PSTPIP2: variants seen among roughly 807,000 people sequenced by gnomAD.
PSTPIP2 encodes proline-serine-threonine phosphatase-interacting protein 2.
A neutral mutation model predicts 63.3 loss-of-function variants in PSTPIP2; 33 were observed. The ratio of observed to expected loss-of-function variants is 0.52; its 90% CI spans 0.40 to 0.70. PSTPIP2 has a LOEUF of 0.70. Among genes scored for constraint, PSTPIP2 ranks in the 30% least tolerant of loss-of-function variants. PSTPIP2 has a pLI of 0.00. For missense variants in PSTPIP2, 312 were observed against 400.7 expected, an observed-to-expected ratio of 0.78 and a Z score of 1.89; for synonymous variants, 125 against 132.7, an observed-to-expected ratio of 0.94 and a Z score of 0.40.
At chr18:45,999,577 G>C in intron 6 of PSTPIP2, 43 bp from the exon 7 acceptor site, 1 of 1,604,902 alleles carries the variant, frequency 6.2e-7, no homozygotes, top group African/African-American at 1.3e-5. Flanking sequence ...AATGAACAGA[G>C]TGTAACCATG....
intron 3 of PSTPIP2, among the ~76,000 whole-genome samples, chr18:46,021,419 A>G (rs1054271372): frequency 8.0e-5 from 6 of 75,342 alleles, no homozygotes; most frequent in Admixed American, 1.5e-4. Context: ...TTATATATAT[A>G]TGTGTATGTG....
intron 5 of PSTPIP2, among the ~76,000 whole-genome samples, chr18:46,005,925 C>T (rs188871932): frequency 1.3e-5 from 2 of 152,258 alleles, no homozygotes; most frequent in East Asian, 3.9e-4. Context: ...CAGTTAAATT[C>T]GGTACTTGTA....
chr18:46,047,051 C>G (rs990738863), intron 1 of PSTPIP2, among the ~76,000 whole-genome samples: 4 of 152,254 alleles, frequency 2.6e-5, no homozygotes, highest in African/African-American at 9.6e-5. Context: ...CTTGTCACTG[C>G]TTCCAACCAC....
Position 45,992,181 on chromosome 18 carries a change from T to C in PSTPIP2, c.763A>G (p.Ser255Gly). The change falls in exon 11 of 15, where the codon AGT (serine) becomes GGT (glycine). Residue 255 changes from serine (S) to glycine (G), a missense_variant. Physicochemically the swap from Ser to Gly is moderately conservative, Grantham distance 56 (BLOSUM62 0). Transcript: ENST00000409746. ...CTCTGAATGCTGCACATTTCTAAACTCTTTCGGACTTGTTCGTACATCTAA... is the reference window on the plus strand; with the variant it reads ...CTCTGAATGCTGCACATTTCTAAACCCTTTCGGACTTGTTCGTACATCTAA... ...SDEMYEQVRK[S>G]LEMCSIQRDI... The C allele has an allele frequency of 6.3e-7, 1 of 1,599,644 alleles. No homozygotes were observed. The highest frequency in any genetic ancestry group is 8.5e-7 in the Non-Finnish European group (1 of 1,172,876).
chr18:46,008,709 C>A (rs2144079475), intron 5 of PSTPIP2, among the ~76,000 whole-genome samples: 1 of 152,276 alleles, frequency 6.6e-6, no homozygotes, highest in South Asian at 2.1e-4. Flanking sequence ...TCTCCCATGA[C>A]CATCCCAATC....
intron 5 of PSTPIP2, among the ~76,000 whole-genome samples, chr18:46,006,729 A>G (rs978269372): frequency 6.6e-6 from 1 of 152,072 alleles, no homozygotes; most frequent in African/African-American, 2.4e-5. Flanking sequence ...CTTGGGAGTA[A>G]ATTCTTTATT....
chr18:46,048,533 C>A (rs980408092), intron 1 of PSTPIP2, among the ~76,000 whole-genome samples: 1 of 152,174 alleles, frequency 6.6e-6, no homozygotes. Context: ...CATCACGTGC[C>A]TTCTGTTACT....
chr18:46,002,960 A>T (rs2051683379), intron 6 of PSTPIP2, among the ~76,000 whole-genome samples: 1 of 152,042 alleles, frequency 6.6e-6, no homozygotes, highest in Non-Finnish European at 1.5e-5. Flanking sequence ...TATTTGATTG[A>T]TTTGGGGGAA....
In PSTPIP2 at chr18:46,022,281, A is replaced by ATGTGTG. The variant is rs150331548; in HGVS notation, c.212+2322_212+2327dup. Among the ~76,000 whole-genome samples, 371 of 150,464 alleles carry ATGTGTG rather than the reference A, an allele frequency of 2.5e-3. 1 individual carries two copies. The highest frequency in any genetic ancestry group is 7.0e-3 in the East Asian group (36 of 5,116). ...TGTAGTCTAGGATGAGTGTGTGTGT[A>ATGTGTG]TGTGTGTGTGTGTGTGTTGCATGTG... On this transcript the variant is annotated intron_variant, in intron 3 of 14. Transcript: ENST00000409746.
At chr18:46,014,875 C>A (rs1280663715) in intron 4 of PSTPIP2, among the ~76,000 whole-genome samples, 3 of 152,112 alleles carry the variant, frequency 2.0e-5, no homozygotes, top group Non-Finnish European at 4.4e-5. Flanking sequence ...GAGTTCTGGA[C>A]TGAAAATATG....
At chr18:46,031,253 C>CT (rs76734387) in intron 2 of PSTPIP2, among the ~76,000 whole-genome samples, 13,861 of 151,990 alleles carry the variant, frequency 0.091, 990 homozygotes, top group East Asian at 0.39. Flanking sequence ...TCCTTCTCTC[C>CT]TTTTTTGGTG....
At chr18:46,022,871 C>T (rs576575826) in intron 3 of PSTPIP2, among the ~76,000 whole-genome samples, 29 of 152,140 alleles carry the variant, frequency 1.9e-4, no homozygotes, top group Non-Finnish European at 3.7e-4. Context: ...GACCTAAATG[C>T]CCATCAATGA....
chr18:46,016,389 T>C (rs2051852701), intron 3 of PSTPIP2, among the ~76,000 whole-genome samples: 1 of 152,178 alleles, frequency 6.6e-6, no homozygotes, highest in Non-Finnish European at 1.5e-5. Context: ...AGTATGGCAA[T>C]TCAAAATATG....
intron 2 of PSTPIP2, among the ~76,000 whole-genome samples, chr18:46,027,354 AAAAT>A (rs1354756957): frequency 6.6e-5 from 10 of 150,688 alleles, no homozygotes; most frequent in African/African-American, 2.4e-4. Flanking sequence ...AAATATTAAA[AAAAT>A]TTTTTTTAAA....
At chr18:46,037,743 T>C (rs1362290092) in intron 2 of PSTPIP2, among the ~76,000 whole-genome samples, 2 of 152,144 alleles carry the variant, frequency 1.3e-5, no homozygotes, top group Non-Finnish European at 2.9e-5. Context: ...GGCCACACGC[T>C]CAGGGGCTGC....
At chr18:46,028,086 G>A (rs1469228173) in intron 2 of PSTPIP2, among the ~76,000 whole-genome samples, 1 of 152,188 alleles carries the variant, frequency 6.6e-6, no homozygotes, top group Non-Finnish European at 1.5e-5. Flanking sequence ...GCTTGAACCC[G>A]GGAGGCGGAG....
chr18:46,016,701 G>T (rs1210864200), intron 3 of PSTPIP2, among the ~76,000 whole-genome samples: 1 of 152,118 alleles, frequency 6.6e-6, no homozygotes, highest in Non-Finnish European at 1.5e-5. Context: ...TCTGAATATG[G>T]TTTAGCTGGA....
At chr18:46,024,311 T>C (rs1907497739) in intron 3 of PSTPIP2, among the ~76,000 whole-genome samples, 1 of 152,034 alleles carries the variant, frequency 6.6e-6, no homozygotes, top group African/African-American at 2.4e-5. Flanking sequence ...CTAATTTTTC[T>C]ATTTTTAGTA....
chr18:46,011,011 A>C (rs2051789471), intron 5 of PSTPIP2, 170 bp downstream of exon 5: 1 of 594,160 alleles, frequency 1.7e-6, no homozygotes, highest in Non-Finnish European at 3.0e-6. Flanking sequence ...TGGGGTGTAG[A>C]AATGCATATA....
Sources: allele counts gnomAD v4.1 joint callset (sites outside exome capture counted in the v4.1 genomes callset), GRCh38; gene constraint gnomAD v4.1.1; transcripts MANE v1.5; gene names NCBI Gene and HGNC (gene_info 2026-07-23, HGNC 2026-07-21).